The following VPS13D variants were observed in gnomAD, a reference collection of about 807,000 sequenced individuals.
The protein encoded by VPS13D is vacuolar protein sorting 13 homolog D.
A neutral mutation model predicts 461.9 loss-of-function variants in VPS13D; 187 were observed. The observed-to-expected ratio is 0.40, with a 90% CI of 0.36 to 0.46. The LOEUF (loss-of-function observed/expected upper bound fraction) is 0.46. Among genes scored for constraint, VPS13D ranks in the 20% least tolerant of loss-of-function variants. VPS13D has a pLI of 0.60. For synonymous variants in VPS13D, 1,951 were observed against 1,986.3 expected (o/e 0.98, Z 0.47); for missense variants, 4,711 against 5,364.9 (o/e 0.88, Z 3.81).
chr1:12,399,292 GT>G (rs1259870248), intron 60 of VPS13D, among the ~76,000 whole-genome samples: 1 of 151,410 alleles, frequency 6.6e-6, no homozygotes, highest in Non-Finnish European at 1.5e-5. Context: ...TGCTTCCTGG[GT>G]TCAAGTGATT....
At chr1:12,429,635 C>T (rs1156723982) in intron 65 of VPS13D, among the ~76,000 whole-genome samples, 1 of 152,224 alleles carries the variant, frequency 6.6e-6, no homozygotes, top group African/African-American at 2.4e-5. Flanking sequence ...TCCCCCCAAA[C>T]ATATCTGTAA....
At chr1:12,492,773 C>CA (rs1645900662) in intron 67 of VPS13D, among the ~76,000 whole-genome samples, 1 of 152,170 alleles carries the variant, frequency 6.6e-6, no homozygotes, top group African/African-American at 2.4e-5. Context: ...ATGGGATAGT[C>CA]ATACAATGGA....
intron 57 of VPS13D, among the ~76,000 whole-genome samples, chr1:12,382,653 AG>A (rs1333570442): frequency 5.9e-5 from 9 of 152,206 alleles, no homozygotes; most frequent in Non-Finnish European, 1.2e-4. Context: ...AGAAACAGCT[AG>A]TTTTGGCTAC....
At chr1:12,272,096 G>A (rs1641459501) in intron 17 of VPS13D, among the ~76,000 whole-genome samples, 1 of 152,212 alleles carries the variant, frequency 6.6e-6, no homozygotes, top group African/African-American at 2.4e-5. Context: ...GGAGGCTGAG[G>A]CGGGAGGATT....
intron 67 of VPS13D, among the ~76,000 whole-genome samples, chr1:12,493,518 C>T (rs1359070342): frequency 6.6e-6 from 1 of 151,938 alleles, no homozygotes; most frequent in Non-Finnish European, 1.5e-5. Flanking sequence ...AGTCCTTTCC[C>T]TCCAGGTGCT....
chr1:12,417,531 A>G (rs960504975), intron 65 of VPS13D, among the ~76,000 whole-genome samples: 5 of 152,030 alleles, frequency 3.3e-5, no homozygotes, highest in African/African-American at 9.7e-5. Flanking sequence ...TGGCTTTTTC[A>G]TGAATGAACT....
rs764886439 is a variant in VPS13D, at chr1:12,363,128, C to T, written c.10329C>T (p.Phe3443=). 1.8e-5 allele frequency: 29 copies of T among 1,614,082 alleles called. 1 individual carries two copies. In the South Asian group the frequency reaches 2.4e-4, roughly 13 times the overall value. Residue 3443 remains phenylalanine, a synonymous_variant, in exon 52 of 70, where the codon TTC becomes TTT. Transcript: ENST00000620676. ...CCCTTCCTGGTTCCAGTGTGGTGTT[C>T]CACTGGCCTCGGAATGACTATGATC... ...ISTLPGSSVV[F]HWPRNDYDQL...
intron 11 of VPS13D, 49 bp downstream of exon 11, chr1:12,260,843 G>A (rs760920787): frequency 3.4e-5 from 54 of 1,610,468 alleles, no homozygotes; most frequent in Middle Eastern, 3.3e-4. Context: ...CACACCCTGA[G>A]TGCTACAGTT....
intron 67 of VPS13D, chr1:12,465,172 T>C (rs1460655930): frequency 6.6e-6 from 1 of 152,242 alleles, no homozygotes; most frequent in Non-Finnish European, 1.5e-5. Context: ...GAAAGGAATG[T>C]CTGCCTCTGC....
chr1:12,506,779 G>A (rs548554170), intron 68 of VPS13D, 74 bp from the exon 69 acceptor site: 204 of 1,560,684 alleles, frequency 1.3e-4, no homozygotes, highest in Non-Finnish European at 1.5e-4. Flanking sequence ...GGGCCACAGA[G>A]CCCGCAGTGG....
intron 24 of VPS13D, among the ~76,000 whole-genome samples, chr1:12,296,812 ATG>A (rs1292799672): frequency 1.3e-5 from 2 of 152,140 alleles, no homozygotes; most frequent in Non-Finnish European, 2.9e-5. Flanking sequence ...TTATTTTTAC[ATG>A]TGTGGTTGAA....
chr1:12,451,619 C>G (rs1416768170), intron 65 of VPS13D, among the ~76,000 whole-genome samples: 3 of 152,188 alleles, frequency 2.0e-5, no homozygotes, highest in African/African-American at 7.2e-5. Context: ...GGTATTATAA[C>G]CAAAGAGTTA....
chr1:12,477,287 T>C (rs1313046270), intron 67 of VPS13D, among the ~76,000 whole-genome samples: 1 of 152,210 alleles, frequency 6.6e-6, no homozygotes, highest in African/African-American at 2.4e-5. Context: ...CTACTCTTTC[T>C]TTCTCTATTT....
intron 4 of VPS13D, 31 bp downstream of exon 4, chr1:12,244,467 C>A: frequency 6.2e-7 from 1 of 1,613,944 alleles, no homozygotes; most frequent in Non-Finnish European, 8.5e-7. Flanking sequence ...GCCATAAGAG[C>A]AGTTGTGGTG....
intron 25 of VPS13D, among the ~76,000 whole-genome samples, chr1:12,300,817 A>G (rs1481554319): frequency 6.6e-6 from 1 of 152,102 alleles, no homozygotes; most frequent in Non-Finnish European, 1.5e-5. Context: ...GAGGAGACTG[A>G]GTGACATTTC....
At chr1:12,455,209 G>A (rs912048481) in intron 65 of VPS13D, among the ~76,000 whole-genome samples, 2 of 152,190 alleles carry the variant, frequency 1.3e-5, no homozygotes, top group African/African-American at 4.8e-5. Flanking sequence ...GACAAATGGA[G>A]CTTGGCACCT....
At chr1:12,294,395 C>A (rs1642216683) in intron 24 of VPS13D, among the ~76,000 whole-genome samples, 1 of 152,190 alleles carries the variant, frequency 6.6e-6, no homozygotes, top group Non-Finnish European at 1.5e-5. Flanking sequence ...CCGCTGAAGA[C>A]CCAGCTTCGC....
Position 12,304,579 on chromosome 1 carries a change from C to A in VPS13D, c.6290C>A (p.Pro2097His). Residue 2097 changes from proline (P) to histidine (H), a missense_variant, in exon 26 of 70, where the codon CCC (proline) becomes CAC (histidine). Physicochemically the swap from Pro to His is moderately conservative, Grantham distance 77 (BLOSUM62 -2). This residue lies in a region of VPS13D where 4,411 missense variants were observed against 4,937.8 expected (regional missense o/e 0.89). Coordinates refer to ENST00000620676, the MANE Select transcript of VPS13D (RefSeq NM_015378.4). ...AGGAAAACGACAAGCACGGAGGAGC[C>A]CAGGGGAACCCATTCCCAGGGGCAG... ...SLRKTTSTEE[P>H]RGTHSQGQFT... The A allele has an allele frequency of 6.2e-7, 1 of 1,614,044 alleles. No individual in the cohort carries two copies. Among genetic ancestry groups the A allele is most frequent in the Non-Finnish European group, 8.5e-7 (1 of 1,179,990 alleles).
intron 67 of VPS13D, among the ~76,000 whole-genome samples, chr1:12,468,884 A>G (rs1325318180): frequency 6.6e-6 from 1 of 151,976 alleles, no homozygotes; most frequent in Non-Finnish European, 1.5e-5. Flanking sequence ...ATATACAAAA[A>G]TTACCCGGGT....
Sources: gnomAD v4.1 joint callset for allele counts (sites outside exome capture counted in the v4.1 genomes callset) on GRCh38, gnomAD v4.1.1 for gene constraint, gnomAD v4.1.1 regional missense constraint, MANE v1.5 for transcripts, NCBI Gene and HGNC (gene_info 2026-07-23, HGNC 2026-07-21) for gene names.